The following FOXO1 variants were observed in gnomAD, a reference collection of about 807,000 sequenced individuals.
The protein encoded by FOXO1 is forkhead box O1.
A neutral mutation model predicts 44.1 loss-of-function variants in FOXO1; 6 were observed. The ratio of observed to expected loss-of-function variants is 0.14; its 90% CI spans 0.07 to 0.27. The LOEUF (loss-of-function observed/expected upper bound fraction) is 0.27. Among genes scored for constraint, FOXO1 ranks in the 10% least tolerant of loss-of-function variants. The pLI is 1.00. For synonymous variants in FOXO1, 380 were observed against 362.7 expected, an observed-to-expected ratio of 1.05 and a Z score of -0.54; for missense variants, 737 against 888.8, an observed-to-expected ratio of 0.83 and a Z score of 2.17.
At chr13:40,605,664 C>CT (rs1875969525) in intron 1 of FOXO1, among the ~76,000 whole-genome samples, 1 of 152,324 alleles carries the variant, frequency 6.6e-6, no homozygotes, top group East Asian at 1.9e-4. Context: ...GGCGTGCACT[C>CT]TGTTTTTTCC....
intron 1 of FOXO1, among the ~76,000 whole-genome samples, chr13:40,591,958 T>C (rs1482595535): frequency 6.6e-6 from 1 of 152,126 alleles, no homozygotes; most frequent in Admixed American, 6.5e-5. Flanking sequence ...CCACCCGCCT[T>C]GACCTCCCAA....
intron 1 of FOXO1, among the ~76,000 whole-genome samples, chr13:40,600,866 G>A (rs1167521446): frequency 6.6e-6 from 1 of 152,118 alleles, no homozygotes; most frequent in East Asian, 1.9e-4. Context: ...CTTTTATTTA[G>A]ACTTCCTAAT....
At chr13:40,607,862 C>CT (rs1876077105) in intron 1 of FOXO1, among the ~76,000 whole-genome samples, 2 of 152,224 alleles carry the variant, frequency 1.3e-5, no homozygotes, top group South Asian at 4.1e-4. Context: ...GAACAAGGGG[C>CT]CCATGACAGA....
chr13:40,623,416 A>C (rs1250098137), intron 1 of FOXO1, among the ~76,000 whole-genome samples: 3 of 152,252 alleles, frequency 2.0e-5, no homozygotes, highest in Non-Finnish European at 4.4e-5. Context: ...CTTGCCAACA[A>C]CAAGAAATAA....
At chr13:40,630,676 A>C (rs999807378) in intron 1 of FOXO1, among the ~76,000 whole-genome samples, 11 of 151,740 alleles carry the variant, frequency 7.2e-5, no homozygotes, top group African/African-American at 2.7e-4. Context: ...AAAAACCAGG[A>C]AAAGCTTGTC....
Position 40,654,916 on chromosome 13 carries a change from T to G in FOXO1, c.630+10667A>C, listed in dbSNP as rs575576669. The stretch of plus-strand genomic sequence containing the variant: ...ATAAGAACCCTCAGGGAACCCTCCC[T>G]TCAAAATTAGAACCAAGATGAGAAT... On this transcript the variant is annotated intron_variant, in intron 1 of 2. Transcript: ENST00000379561. Among the ~76,000 whole-genome samples the G allele has an allele frequency of 2.0e-5, 3 of 152,238 alleles. No individual in the cohort carries two copies. The East Asian group carries it at 5.8e-4, about 29-fold the overall frequency.
At chr13:40,662,795 C>T (rs560917129) in intron 1 of FOXO1, among the ~76,000 whole-genome samples, 12 of 152,308 alleles carry the variant, frequency 7.9e-5, no homozygotes, top group African/African-American at 2.9e-4. Context: ...AGCAACCTCT[C>T]CTCGGTCCTA....
At chr13:40,615,019 G>C (rs1220290704) in intron 1 of FOXO1, among the ~76,000 whole-genome samples, 1 of 152,172 alleles carries the variant, frequency 6.6e-6, no homozygotes, top group Admixed American at 6.5e-5. Flanking sequence ...AGTTCCCAAT[G>C]ATCACTCCCA....
chr13:40,622,928 C>G (rs1876663506), intron 1 of FOXO1, among the ~76,000 whole-genome samples: 1 of 152,202 alleles, frequency 6.6e-6, no homozygotes, highest in Admixed American at 6.5e-5. Context: ...AAGGTATTAT[C>G]TGCTTCCAGG....
At position 40,558,904 on chromosome 13, in the gene FOXO1, A is replaced by T. The variant is rs1408249052; in HGVS notation, c.*145T>A. 18 of 393,718 alleles carry T rather than the reference A, an allele frequency of 4.6e-5. No homozygotes were observed. Among genetic ancestry groups the T allele is most frequent in the Non-Finnish European group, 7.5e-5 (17 of 225,336 alleles). The allele number at this position is 393,718 out of a possible 1,614,324, so 24.4% of individuals were successfully genotyped here. A position where few individuals can be genotyped will look rare whatever the true frequency, so the allele number is the denominator to read the frequency against. Reference sequence around the variant, plus strand: ...CTTTGCTGCCAAGTCTGACGAAAGGAAAAAAGGAGGGTTTTTTTTTTTGTT... The same window carrying T: ...CTTTGCTGCCAAGTCTGACGAAAGGTAAAAAGGAGGGTTTTTTTTTTTGTT... On this transcript the variant is annotated 3_prime_UTR_variant, in exon 3 of 3. Transcript: ENST00000379561.
chr13:40,575,835 A>G lies in FOXO1; in HGVS notation c.631-14975T>C, dbSNP rs183903149. Among the ~76,000 whole-genome samples the G allele has an allele frequency of 1.6e-3, 241 of 152,316 alleles. 1 individual carries two copies. Among genetic ancestry groups the G allele is most frequent in the African/African-American group, 5.5e-3 (229 of 41,562 alleles). On this transcript the variant is annotated intron_variant, in intron 1 of 2. Transcript: ENST00000379561. The stretch of plus-strand genomic sequence containing the variant: ...TGCAGCACACGCAAAACAAGAAAGG[A>G]AAGGCCCTACGCTGGAATTGGGACG...
intron 1 of FOXO1, among the ~76,000 whole-genome samples, chr13:40,658,504 C>T (rs958170049): frequency 1.3e-5 from 2 of 152,140 alleles, no homozygotes; most frequent in African/African-American, 4.8e-5. Context: ...GTGGGACCTC[C>T]AGAGCCTTTA....
At position 40,556,065 on chromosome 13, in the gene FOXO1, C is replaced by T. The variant is rs895352138; in HGVS notation, c.*2984G>A. Reference sequence around the variant, plus strand: ...ATTTTTTTTAATGAATGATTATTCCCAAACTAAAACCAGAAAAGAAACTTC... The same window carrying T: ...ATTTTTTTTAATGAATGATTATTCCTAAACTAAAACCAGAAAAGAAACTTC... On this transcript the variant is annotated 3_prime_UTR_variant, in exon 3 of 3. Coordinates refer to ENST00000379561, the MANE Select transcript of FOXO1 (RefSeq NM_002015.4). The T allele has an allele frequency of 9.9e-5, 15 of 152,166 alleles. No homozygotes were observed. The highest frequency in any genetic ancestry group is 2.1e-4 in the Non-Finnish European group (14 of 68,042). The allele number at this position is 152,166 out of a possible 1,614,324, so 9.4% of individuals were successfully genotyped here.
At chr13:40,658,547 G>A (rs1403681821) in intron 1 of FOXO1, among the ~76,000 whole-genome samples, 50 of 152,156 alleles carry the variant, frequency 3.3e-4, no homozygotes, top group Non-Finnish European at 1.0e-4. Flanking sequence ...CAGAGAGTAA[G>A]TTACCTAAGA....
chr13:40,589,041 GT>G (rs1019980385), intron 1 of FOXO1, among the ~76,000 whole-genome samples: 5 of 152,158 alleles, frequency 3.3e-5, no homozygotes, highest in African/African-American at 1.2e-4. Context: ...GCAGGCAGAG[GT>G]TGCAGTGAGC....
intron 1 of FOXO1, among the ~76,000 whole-genome samples, chr13:40,645,935 G>A (rs117828578): frequency 0.025 from 3,855 of 152,012 alleles, 106 homozygotes; most frequent in Middle Eastern, 0.058. Context: ...GCATGGTGGC[G>A]CTTGCTGTAA....
intron 1 of FOXO1, among the ~76,000 whole-genome samples, chr13:40,580,132 GTTGCTACA>G (rs1363640461): frequency 2.0e-5 from 3 of 152,036 alleles, no homozygotes; most frequent in African/African-American, 7.3e-5. Flanking sequence ...CTTTCATAAT[GTTGCTACA>G]TTGGGGTAAC....
chr13:40,620,885 G>A (rs1200227249), intron 1 of FOXO1, among the ~76,000 whole-genome samples: 2 of 137,806 alleles, frequency 1.5e-5, no homozygotes, highest in East Asian at 2.3e-4. Context: ...TGCAATCACC[G>A]TCTCCCGGGT....
chr13:40,633,484 G>A (rs1304540545), intron 1 of FOXO1, among the ~76,000 whole-genome samples: 1 of 152,088 alleles, frequency 6.6e-6, no homozygotes, highest in Non-Finnish European at 1.5e-5. Context: ...AATAAACCTC[G>A]AAAATGTTAT....
Sources: gnomAD v4.1 joint callset for allele counts (sites outside exome capture counted in the v4.1 genomes callset) on GRCh38, gnomAD v4.1.1 for gene constraint, MANE v1.5 for transcripts, NCBI Gene and HGNC (gene_info 2026-07-23, HGNC 2026-07-21) for gene names.